The following OSBPL8 variants were observed in gnomAD, a reference collection of about 807,000 sequenced individuals.
OSBPL8 encodes the protein oxysterol-binding protein-related protein 8.
In OSBPL8, 59 loss-of-function variants were observed where a neutral mutation model predicts 125.5. The ratio of observed to expected loss-of-function variants is 0.47; its 90% confidence interval spans 0.38 to 0.58. The LOEUF is 0.58. OSBPL8 is among the 20% of genes least tolerant of loss of function. The pLI, the probability that OSBPL8 is intolerant of heterozygous loss-of-function variation, is 0.00. For synonymous variants in OSBPL8, 330 were observed against 338.9 expected, an observed-to-expected ratio of 0.97 and a Z score of 0.29; for missense variants, 758 against 1,047.8, an observed-to-expected ratio of 0.72 and a Z score of 3.82.
At chr12:76,483,615 A>C (rs963447196) in intron 2 of OSBPL8, among the ~76,000 whole-genome samples, 45 of 150,364 alleles carry the variant, frequency 3.0e-4, no homozygotes, top group African/African-American at 1.1e-3. Context: ...TGAATAATAA[A>C]GTCAGATTTT....
intron 4 of OSBPL8, chr12:76,423,236 C>T (rs1869729239): frequency 6.6e-6 from 1 of 152,270 alleles, no homozygotes; most frequent in African/African-American, 2.4e-5. Flanking sequence ...GAAAGATACT[C>T]TTTCAAGCAC....
intron 15 of OSBPL8, among the ~76,000 whole-genome samples, chr12:76,382,899 T>A (rs554893912): frequency 2.2e-4 from 33 of 152,330 alleles, no homozygotes; most frequent in African/African-American, 7.7e-4. Flanking sequence ...TTTTGCTATC[T>A]CTAGGTCCAT....
intron 4 of OSBPL8, among the ~76,000 whole-genome samples, chr12:76,412,690 C>G (rs999712736): frequency 1.3e-5 from 2 of 152,074 alleles, no homozygotes; most frequent in African/African-American, 4.8e-5. Context: ...TTTTTCTAAT[C>G]TTTAAAACAA....
intron 16 of OSBPL8, among the ~76,000 whole-genome samples, chr12:76,376,160 T>TA (rs1952812225): frequency 6.6e-6 from 1 of 152,174 alleles, no homozygotes; most frequent in Non-Finnish European, 1.5e-5. Flanking sequence ...TTATGTAACA[T>TA]AACTACTGCA....
chr12:76,444,259 G>T (rs1355293190), intron 4 of OSBPL8, among the ~76,000 whole-genome samples: 1 of 152,142 alleles, frequency 6.6e-6, no homozygotes, highest in Non-Finnish European at 1.5e-5. Context: ...TATTATGAAT[G>T]TAATTTAAGG....
intron 18 of OSBPL8, among the ~76,000 whole-genome samples, chr12:76,372,411 G>A (rs1952655120): frequency 6.6e-6 from 1 of 151,860 alleles, no homozygotes; most frequent in African/African-American, 2.4e-5. Flanking sequence ...GTCTTGTTAT[G>A]TCACCCAGGC....
intron 4 of OSBPL8, among the ~76,000 whole-genome samples, chr12:76,413,796 T>C (rs1331996655): frequency 6.6e-6 from 1 of 152,156 alleles, no homozygotes; most frequent in Non-Finnish European, 1.5e-5. Flanking sequence ...AAATCGTCTA[T>C]CTTTTCTTAT....
At chr12:76,542,387 A>G (rs186215183) in intron 1 of OSBPL8, among the ~76,000 whole-genome samples, 10 of 152,254 alleles carry the variant, frequency 6.6e-5, no homozygotes, top group Middle Eastern at 3.4e-3. Flanking sequence ...TACTGTCCAT[A>G]TCACCAGTCT....
chr12:76,414,537 C>G (rs1487014255), intron 4 of OSBPL8, among the ~76,000 whole-genome samples: 2 of 148,636 alleles, frequency 1.3e-5, no homozygotes, highest in Non-Finnish European at 3.0e-5. Context: ...ACTGCAGCCT[C>G]GACCTCCTGT....
At chr12:76,357,535 A>T (rs7980549) in intron 22 of OSBPL8, among the ~76,000 whole-genome samples, 1 of 152,000 alleles carries the variant, frequency 6.6e-6, no homozygotes, top group Non-Finnish European at 1.5e-5. Flanking sequence ...TACAACCAAT[A>T]CTCTCTTCTA....
chr12:76,408,143 TAAAAAAAAAAAAA>T (rs376221340), intron 5 of OSBPL8, among the ~76,000 whole-genome samples: 1 of 92,030 alleles, frequency 1.1e-5, no homozygotes, highest in African/African-American at 4.3e-5. Context: ...CCTCATCTCT[TAAAAAAAAAAAAA>T]AAAAAAAAAA....
At chr12:76,530,548 C>CT (rs924033932) in intron 1 of OSBPL8, among the ~76,000 whole-genome samples, 1 of 152,010 alleles carries the variant, frequency 6.6e-6, no homozygotes, top group East Asian at 1.9e-4. Context: ...TTACCAACTA[C>CT]TTTTTTTTCC....
At chr12:76,553,844 GCA>G (rs1487683417) in intron 1 of OSBPL8, among the ~76,000 whole-genome samples, 1 of 151,546 alleles carries the variant, frequency 6.6e-6, no homozygotes, top group Non-Finnish European at 1.5e-5. Flanking sequence ...GGGCATGGTG[GCA>G]TGCACCCGTA....
chr12:76,480,167 C>CAAAAAAAAAAAAAAAAAAAAAAAAAAAA (rs57582036), intron 2 of OSBPL8, among the ~76,000 whole-genome samples: 1 of 56,386 alleles, frequency 1.8e-5, no homozygotes, highest in Non-Finnish European at 3.1e-5. Context: ...AACTCCATCT[C>CAAAAAAAAAAAAAAAAAAAAAAAAAAAA]AAAAAAAAAA....
intron 11 of OSBPL8, 132 bp from the exon 12 acceptor site, chr12:76,389,961 A>T (rs1415265410): frequency 1.6e-6 from 1 of 638,328 alleles, no homozygotes; most frequent in East Asian, 3.3e-5. Context: ...GGAAACAAAA[A>T]ATAATAATAA....
intron 2 of OSBPL8, among the ~76,000 whole-genome samples, chr12:76,467,748 G>A (rs928483659): frequency 4.0e-5 from 6 of 151,192 alleles, no homozygotes; most frequent in African/African-American, 1.5e-4. Flanking sequence ...TTTGGTAGAT[G>A]TCCCTGCATG....
chr12:76,523,454 G>T (rs1013668855), intron 1 of OSBPL8, among the ~76,000 whole-genome samples: 3 of 152,154 alleles, frequency 2.0e-5, no homozygotes, highest in Non-Finnish European at 4.4e-5. Context: ...TCACTGCTAT[G>T]AACTTGAATA....
chr12:76,476,794 A>G (rs1278515689), intron 2 of OSBPL8, among the ~76,000 whole-genome samples: 38 of 152,224 alleles, frequency 2.5e-4, no homozygotes, highest in Admixed American at 2.5e-3. Flanking sequence ...TCTCATCGCC[A>G]GACATACATT....
chr12:76,361,602 G>C (rs995850580), intron 21 of OSBPL8, among the ~76,000 whole-genome samples: 1 of 152,176 alleles, frequency 6.6e-6, no homozygotes, highest in Non-Finnish European at 1.5e-5. Flanking sequence ...ACCCGAGATG[G>C]GAAGAAAAGG....
Sources: allele counts gnomAD v4.1 joint callset (sites outside exome capture counted in the v4.1 genomes callset), GRCh38; gene constraint gnomAD v4.1.1; transcripts MANE v1.5; gene names NCBI Gene and HGNC (gene_info 2026-07-23, HGNC 2026-07-21).